The following SHANK2 variants were observed in gnomAD, a reference collection of about 807,000 sequenced individuals.
The protein encoded by SHANK2 is SH3 and multiple ankyrin repeat domains 2, also known as SH3 and multiple ankyrin repeat domains protein 2.
SHANK2 carries 43 observed loss-of-function variants against 133.7 expected under a neutral mutation model. The ratio of observed to expected loss-of-function variants is 0.32; its 90% CI spans 0.25 to 0.41. The LOEUF (loss-of-function observed/expected upper bound fraction) is 0.41, where lower values mean the gene tolerates loss of function less well. Among genes scored for constraint, SHANK2 ranks in the 10% least tolerant of loss-of-function variants. The pLI, the probability that SHANK2 is intolerant of heterozygous loss-of-function variation, is 1.00. For synonymous variants in SHANK2, 1,017 were observed against 952.8 expected (o/e 1.07, Z -1.24); for missense variants, 1,994 against 2,235.8 (o/e 0.89, Z 2.18).
At chr11:71,098,094 T>C (rs1173766264) in intron 6 of SHANK2, among the ~76,000 whole-genome samples, 1 of 148,284 alleles carries the variant, frequency 6.7e-6, no homozygotes, top group Non-Finnish European at 1.5e-5. Context: ...CTGTTGTGTA[T>C]GCAGGCCTAT....
chr11:70,688,047 C>T (rs1158662924), intron 15 of SHANK2, among the ~76,000 whole-genome samples: 1 of 152,218 alleles, frequency 6.6e-6, no homozygotes, highest in East Asian at 1.9e-4. Context: ...GCCAGACCTT[C>T]CTGCCTGGCC....
At chr11:70,713,968 C>T (rs1437881886) in intron 14 of SHANK2, among the ~76,000 whole-genome samples, 2 of 152,200 alleles carry the variant, frequency 1.3e-5, no homozygotes, top group African/African-American at 2.4e-5. Context: ...TTCTTCCTTC[C>T]AACAAACTGC....
At position 70,473,485 on chromosome 11, in the gene SHANK2, G is replaced by GTCAGGGCA. The variant is rs377654152; in HGVS notation, c.4980-54_4980-47dup. The GTCAGGGCA allele has an allele frequency of 1.0e-3, 1,595 of 1,588,082 alleles. 12 individuals are homozygous for GTCAGGGCA. In the African/African-American group the frequency reaches 0.019, roughly 19 times the overall value. On this transcript the variant is annotated intron_variant, in intron 25 of 25. Transcript: ENST00000601538. The surrounding 1 kb of genome is among the most constrained non-coding windows in gnomAD (Gnocchi z 5.9). Reference sequence around the variant, plus strand: ...AAACCATCACAAGGCAGGTCACCGAGTCAGGGCAGCTGGCTGCAGATCACC... The same window carrying GTCAGGGCA: ...AAACCATCACAAGGCAGGTCACCGAGTCAGGGCATCAGGGCAGCTGGCTGCAGATCACC...
At chr11:71,198,457 GC>G (rs1363825867) in intron 2 of SHANK2, among the ~76,000 whole-genome samples, 1 of 152,196 alleles carries the variant, frequency 6.6e-6, no homozygotes, top group Non-Finnish European at 1.5e-5. Context: ...CTCTAGCGGG[GC>G]CTCCAAGAAG....
intron 1 of SHANK2, among the ~76,000 whole-genome samples, chr11:71,241,448 A>G (rs1246675980): frequency 6.6e-6 from 1 of 152,016 alleles, no homozygotes; most frequent in Non-Finnish European, 1.5e-5. Context: ...ACAAACAAAC[A>G]CGTACCTTCG....
intron 9 of SHANK2, among the ~76,000 whole-genome samples, chr11:71,070,819 T>G (rs1951133377): frequency 6.6e-6 from 1 of 152,224 alleles, no homozygotes; most frequent in Admixed American, 6.5e-5. Flanking sequence ...CCCAACTGGC[T>G]CTTTATAGCA....
Position 70,847,604 on chromosome 11 carries a change from C to A in SHANK2, c.1175-26922G>T, listed in dbSNP as rs549290998. On this transcript the variant is annotated intron_variant, in intron 11 of 25. Coordinates refer to ENST00000601538, the MANE Select transcript of SHANK2 (RefSeq NM_012309.5). ...GCACTGAAAACCTGCCCGAGCATCT[C>A]TCTGCGCTCAGCAGCGACGCCATCC... Among the ~76,000 whole-genome samples the A allele has an allele frequency of 2.0e-5, 3 of 152,360 alleles. No homozygotes were observed. The East Asian group carries it at 5.8e-4, about 29-fold the overall frequency.
chr11:71,187,375 A>G (rs1049435502), intron 2 of SHANK2, among the ~76,000 whole-genome samples: 5 of 150,848 alleles, frequency 3.3e-5, no homozygotes, highest in South Asian at 2.1e-4. Flanking sequence ...TGGGTTTCTC[A>G]TGTTTTGTTT....
intron 10 of SHANK2, among the ~76,000 whole-genome samples, 186 bp from the exon 11 acceptor site, chr11:70,896,753 T>C (rs1949940643): frequency 6.6e-6 from 1 of 152,244 alleles, no homozygotes; most frequent in Non-Finnish European, 1.5e-5. Flanking sequence ...TCAAAGCAGT[T>C]GGCTGTTCTA....
intron 10 of SHANK2, chr11:70,942,760 A>G: frequency 2.2e-6 from 1 of 456,284 alleles, no homozygotes; most frequent in Non-Finnish European, 4.4e-6. Flanking sequence ...TTTGCATTTC[A>G]CAAGCCCTTC....
chr11:70,493,844 G>T (rs2058931576), intron 21 of SHANK2, among the ~76,000 whole-genome samples: 1 of 152,208 alleles, frequency 6.6e-6, no homozygotes, highest in African/African-American at 2.4e-5. Context: ...TGAAGTGTAT[G>T]CTAGGGCCTT....
chr11:70,606,818 G>A (rs144234138), intron 17 of SHANK2, among the ~76,000 whole-genome samples: 72 of 152,330 alleles, frequency 4.7e-4, no homozygotes, highest in African/African-American at 1.7e-3. Context: ...ACCGCAGCAG[G>A]AAGATACGGA....
chr11:71,209,302 C>T (rs545638609), intron 2 of SHANK2, among the ~76,000 whole-genome samples: 48 of 152,294 alleles, frequency 3.2e-4, no homozygotes, highest in African/African-American at 1.1e-3. Context: ...ATCCCCTTCA[C>T]AATTTGTAGT....
rs149004193 is a variant in SHANK2, at chr11:70,863,786, A to T, written c.1174+32715T>A. ...TCACTCAGGTAGGTCCTCATCCAACAGGAGAGGTGTGTTGTAAGAAGAGGA... is the reference window on the plus strand; with the variant it reads ...TCACTCAGGTAGGTCCTCATCCAACTGGAGAGGTGTGTTGTAAGAAGAGGA... On this transcript the variant is annotated intron_variant, in intron 11 of 25. Coordinates refer to ENST00000601538, the MANE Select transcript of SHANK2 (RefSeq NM_012309.5). 2.5e-3 allele frequency: 1,121 copies of T among 457,150 alleles called. 6 individuals are homozygous for T. The highest frequency in any genetic ancestry group is 0.019 in the African/African-American group (959 of 50,122). The allele number at this position is 457,150 out of a possible 1,614,324, so 28.3% of individuals were successfully genotyped here. A position where few individuals can be genotyped will look rare whatever the true frequency, so the allele number is the denominator to read the frequency against.
At chr11:70,951,085 T>A (rs554304366) in intron 10 of SHANK2, 1 of 259,404 alleles carries the variant, frequency 3.9e-6, no homozygotes, top group African/African-American at 2.4e-5. Flanking sequence ...TAGAGAGGAG[T>A]TGCATTCATC....
chr11:71,062,962 A>G (rs946022554), intron 9 of SHANK2, among the ~76,000 whole-genome samples: 1 of 142,444 alleles, frequency 7.0e-6, no homozygotes, highest in African/African-American at 2.7e-5. Context: ...GTGCCACTGC[A>G]TTCCAGCCTG....
Position 71,101,412 on chromosome 11 carries a change from T to C in SHANK2, c.593-6724A>G, listed in dbSNP as rs144341755. On this transcript the variant is annotated intron_variant, in intron 6 of 25. Transcript: ENST00000601538. ...GAATGAGACACTGTATTTGAAATAA[T>C]TGGACCCTTAAAAACAGGTCTCTTT... is the stretch of plus-strand genomic sequence containing the variant. 6.7e-4 allele frequency among the ~76,000 whole-genome samples: 102 copies of C among 152,342 alleles called. No individual in the cohort carries two copies. In the South Asian group the frequency reaches 9.1e-3, roughly 14 times the overall value.
At chr11:70,573,553 G>A (rs1048447467) in intron 17 of SHANK2, among the ~76,000 whole-genome samples, 1 of 122,074 alleles carries the variant, frequency 8.2e-6, no homozygotes, top group Non-Finnish European at 1.8e-5. Flanking sequence ...TGGGGGCGGG[G>A]GGGGGGTGGG....
At chr11:70,613,660 G>A (rs1345199351) in intron 17 of SHANK2, among the ~76,000 whole-genome samples, 1 of 151,998 alleles carries the variant, frequency 6.6e-6, no homozygotes, top group African/African-American at 2.4e-5. Context: ...TGGAAGGAGG[G>A]TCATTACAGA....
Sources: allele counts gnomAD v4.1 joint callset (sites outside exome capture counted in the v4.1 genomes callset), GRCh38; gene constraint gnomAD v4.1.1; non-coding constraint Gnocchi (gnomAD v3.1); transcripts MANE v1.5; gene names NCBI Gene and HGNC (gene_info 2026-07-23, HGNC 2026-07-21).